MYO1H: variants seen among roughly 807,000 people sequenced by gnomAD.
The protein encoded by MYO1H is myosin IH, also known as unconventional myosin-Ih.
In MYO1H, 118 loss-of-function variants were observed where a neutral mutation model predicts 149.3. The observed-to-expected ratio is 0.79, with a 90% confidence interval of 0.68 to 0.92. The LOEUF is 0.92. Among genes scored for constraint, MYO1H ranks in the 40% least tolerant of loss-of-function variants. The probability of loss-of-function intolerance (pLI) is 0.00; values close to 1 mark genes in which losing one functional copy is unlikely to be tolerated. For synonymous variants in MYO1H, 447 were observed against 465.2 expected (o/e 0.96, Z 0.50); for missense variants, 1,212 against 1,280.7 (o/e 0.95, Z 0.82).
the MYO1H span, among the ~76,000 whole-genome samples, chr12:109,310,747 C>A: frequency 6.6e-6 from 1 of 152,154 alleles, no homozygotes; most frequent in African/African-American, 2.4e-5. Flanking sequence ...AAATGGTTTT[C>A]TGGTAGCACC....
intron 16 of MYO1H, 84 bp downstream of exon 16, chr12:109,421,111 G>T: frequency 2.0e-6 from 2 of 991,694 alleles, no homozygotes; most frequent in East Asian, 2.5e-5. Flanking sequence ...TTCGCCTTCT[G>T]GATTTTTTTT....
Position 109,388,916 on chromosome 12 carries a change from T to C in MYO1H, c.174+72T>C. ...TTCTTGCCTTCACGACTTTGATGAG[T>C]GTGAATAATAGCACTCTATTAGGTT... On this transcript the variant is annotated intron_variant, in intron 2 of 31. Coordinates refer to ENST00000310903, the Ensembl canonical transcript of MYO1H. The C allele has an allele frequency of 2.7e-6, 4 of 1,506,934 alleles. No individual in the cohort carries two copies. In the South Asian group the frequency reaches 5.3e-5, roughly 20 times the overall value. The allele number at this position is 1,506,934 out of a possible 1,614,324, so 93.3% of individuals were successfully genotyped here. A position where few individuals can be genotyped will look rare whatever the true frequency, so the allele number is the denominator to read the frequency against.
intron 6 of MYO1H, chr12:109,401,534 T>C (rs998413260): frequency 1.1e-5 from 4 of 359,726 alleles, no homozygotes; most frequent in African/African-American, 4.1e-5. Context: ...GAAGAGCCCT[T>C]TAAAAACACA....
At position 109,405,919 on chromosome 12, in the gene MYO1H, T is replaced by C. The variant is rs1870361925; in HGVS notation, c.850-3T>C. ...TGTCTCTGAACACTTCCCATGTTCC[T>C]AGAATCTCTTTGGAATTATTGCCAG... On this transcript the variant is annotated splice_region_variant and splice_polypyrimidine_tract_variant and intron_variant, in intron 7 of 31. Coordinates refer to ENST00000310903, the Ensembl canonical transcript of MYO1H. 9 of 1,600,792 alleles carry C rather than the reference T, an allele frequency of 5.6e-6. No homozygotes were observed. Among genetic ancestry groups the C allele is most frequent in the Non-Finnish European group, 7.7e-6 (9 of 1,168,002 alleles).
At chr12:109,433,301 C>T (rs181181050) in intron 20 of MYO1H, among the ~76,000 whole-genome samples, 6 of 152,312 alleles carry the variant, frequency 3.9e-5, no homozygotes, top group East Asian at 1.9e-4. Context: ...GGGCACCTAA[C>T]GTCCGTGTGC....
intron 1 of MYO1H, among the ~76,000 whole-genome samples, chr12:109,367,649 T>G (rs989142194): frequency 1.4e-4 from 21 of 152,052 alleles, no homozygotes; most frequent in Non-Finnish European, 1.0e-4. Context: ...CCTCCCAGGT[T>G]CACCCCATTC....
chr12:109,425,923 TC>T, intron 17 of MYO1H, 22 bp from the exon 18 acceptor site: 1 of 1,559,446 alleles, frequency 6.4e-7, no homozygotes, highest in Non-Finnish European at 8.8e-7. Context: ...TCGTTCTCTC[TC>T]TCTTTCTCTC....
chr12:109,367,156 G>A (rs1316537298), intron 1 of MYO1H, among the ~76,000 whole-genome samples: 1 of 152,144 alleles, frequency 6.6e-6, no homozygotes, highest in Non-Finnish European at 1.5e-5. Context: ...TTCTCTGCAG[G>A]AAAAGTTTCA....
chr12:109,320,005 C>T, the MYO1H span, among the ~76,000 whole-genome samples: 1 of 151,952 alleles, frequency 6.6e-6, no homozygotes, highest in South Asian at 2.1e-4. Flanking sequence ...CCATACGGGG[C>T]TATGTAAATT....
At chr12:109,369,241 C>T (rs543242353) in intron 1 of MYO1H, among the ~76,000 whole-genome samples, 2 of 152,200 alleles carry the variant, frequency 1.3e-5, no homozygotes, top group East Asian at 3.9e-4. Context: ...AAATGAGCCA[C>T]GATGCCTGGC....
chr12:109,366,834 C>T lies in MYO1H; in HGVS notation c.12+18862C>T, dbSNP rs115006987. On this transcript the variant is annotated intron_variant, in intron 1 of 31. Transcript: ENST00000310903. Reference sequence around the variant, plus strand: ...GCTGTAGAAATATTGTCACTTATTACTACAGATTGAACTTCCCAGATCCAA... The same window carrying T: ...GCTGTAGAAATATTGTCACTTATTATTACAGATTGAACTTCCCAGATCCAA... Among the ~76,000 whole-genome samples, 761 of 152,298 alleles carry T rather than the reference C, an allele frequency of 5.0e-3. 7 individuals carry two copies. Among genetic ancestry groups the T allele is most frequent in the African/African-American group, 0.017 (723 of 41,554 alleles).
intron 31 of MYO1H, chr12:109,446,133 A>G (rs1192356698): frequency 1.0e-6 from 1 of 985,358 alleles, no homozygotes; most frequent in East Asian, 1.1e-4. Flanking sequence ...AAGGCTGCCC[A>G]TGTTAATACC....
intron 10 of MYO1H, among the ~76,000 whole-genome samples, chr12:109,408,127 T>C (rs1012249108): frequency 6.6e-6 from 1 of 152,202 alleles, no homozygotes; most frequent in Non-Finnish European, 1.5e-5. Context: ...CTGTGCATAG[T>C]GCTTGTGGTA....
chr12:109,360,117 CT>C (rs574102302), intron 1 of MYO1H, among the ~76,000 whole-genome samples: 268 of 135,764 alleles, frequency 2.0e-3, no homozygotes, highest in Middle Eastern at 4.1e-3. Flanking sequence ...TTTCTTCTTT[CT>C]TTTTTTTTTT....
rs1165995755 is a variant in MYO1H, at chr12:109,442,795, C to CTGCCTTTTTTTT, written c.2688+524_2688+525insGCCTTTTTTTTT. ...GTGATCGTGTGTGCCAGTGTCTGCT[C>CTGCCTTTTTTTT]TTTTTTTTTTTTTTTTTTTTTTTGT... On this transcript the variant is annotated intron_variant, in intron 27 of 31. Coordinates refer to ENST00000310903, the Ensembl canonical transcript of MYO1H. Among the ~76,000 whole-genome samples, 32 of 94,040 alleles carry CTGCCTTTTTTTT rather than the reference C, an allele frequency of 3.4e-4. 4 individuals are homozygous for CTGCCTTTTTTTT. In the East Asian group the frequency reaches 6.1e-3, roughly 18 times the overall value. The allele number at this position is 94,040 out of a possible 152,430, so 61.7% of individuals were successfully genotyped here. A position where few individuals can be genotyped will look rare whatever the true frequency, so the allele number is the denominator to read the frequency against.
In MYO1H at chr12:109,441,715, A is replaced by G. The variant is rs770208234; in HGVS notation, c.2632+7A>G. The G allele has an allele frequency of 6.3e-7, 1 of 1,598,916 alleles. No individual in the cohort carries two copies. Among genetic ancestry groups the G allele is most frequent in the Non-Finnish European group, 8.6e-7 (1 of 1,169,422 alleles). Reference sequence around the variant, plus strand: ...TTTGTCAACAGTCGGATAGGTAAGTACATTTTCCAGCCTATGTACTTGGCT... The same window carrying G: ...TTTGTCAACAGTCGGATAGGTAAGTGCATTTTCCAGCCTATGTACTTGGCT... On this transcript the variant is annotated splice_region_variant and intron_variant, in intron 26 of 31. Transcript: ENST00000310903.
chr12:109,407,772 T>C, intron 9 of MYO1H, 22 bp from the exon 10 acceptor site: 1 of 1,612,596 alleles, frequency 6.2e-7, no homozygotes, highest in Non-Finnish European at 8.5e-7. Flanking sequence ...CCTATAATGA[T>C]GCACCTTGTC....
intron 1 of MYO1H, among the ~76,000 whole-genome samples, chr12:109,352,133 A>G (rs1020758381): frequency 6.6e-6 from 1 of 152,230 alleles, no homozygotes; most frequent in Admixed American, 6.5e-5. Context: ...TTGTCGTCAC[A>G]TAAGCCTGGC....
the MYO1H span, among the ~76,000 whole-genome samples, chr12:109,327,095 T>TAGTTA: frequency 6.6e-6 from 1 of 151,414 alleles, no homozygotes; most frequent in African/African-American, 2.4e-5. Context: ...CCAGCTCCTG[T>TAGTTA]AGTTATTTAA....
Sources: allele counts gnomAD v4.1 joint callset (sites outside exome capture counted in the v4.1 genomes callset), GRCh38; gene constraint gnomAD v4.1.1; transcripts MANE v1.5; gene names NCBI Gene and HGNC (gene_info 2026-07-23, HGNC 2026-07-21).